Variants in DNAI7 observed in about 807,000 individuals in gnomAD.
The protein encoded by DNAI7 is cancer susceptibility 1.
A neutral mutation model predicts 86.6 loss-of-function variants in DNAI7; 78 were observed. That is an observed-to-expected ratio of 0.90 (90% CI 0.75 to 1.09). The LOEUF is 1.09. Ranked by LOEUF, DNAI7 falls within the 50% of genes least tolerant of loss-of-function variation. The pLI is 0.00. For synonymous variants in DNAI7, 274 were observed against 273.0 expected, an observed-to-expected ratio of 1.00 and a Z score of -0.04; for missense variants, 753 against 810.2, an observed-to-expected ratio of 0.93 and a Z score of 0.86.
chr12:25,134,467 G>A (rs894723262), intron 9 of DNAI7, among the ~76,000 whole-genome samples: 5 of 140,434 alleles, frequency 3.6e-5, no homozygotes, highest in African/African-American at 1.1e-4. Flanking sequence ...AGTGATTCTC[G>A]TGCCTCAGCC....
At chr12:25,128,953 C>CTT (rs1942506422) in intron 9 of DNAI7, among the ~76,000 whole-genome samples, 1 of 152,196 alleles carries the variant, frequency 6.6e-6, no homozygotes, top group African/African-American at 2.4e-5. Context: ...CAATAAAAGC[C>CTT]TAAATTCTCA....
At chr12:25,158,719 C>T (rs1028802498) in intron 3 of DNAI7, 156 bp from the exon 4 acceptor site, 1 of 1,475,320 alleles carries the variant, frequency 6.8e-7, no homozygotes, top group Non-Finnish European at 9.0e-7. Context: ...TGTCAGTTCT[C>T]CTTTCTTCAA....
At chr12:25,156,587 G>A (rs1455569546) in intron 4 of DNAI7, among the ~76,000 whole-genome samples, 1 of 151,624 alleles carries the variant, frequency 6.6e-6, no homozygotes, top group East Asian at 1.9e-4. Flanking sequence ...TTAAAAATAC[G>A]AAAATTAGCC....
intron 12 of DNAI7, among the ~76,000 whole-genome samples, chr12:25,116,586 G>A (rs1592203672): frequency 6.6e-6 from 1 of 151,834 alleles, no homozygotes; most frequent in East Asian, 1.9e-4. Flanking sequence ...TACACCCTCC[G>A]CCTCCCAGGT....
intron 9 of DNAI7, among the ~76,000 whole-genome samples, chr12:25,124,657 A>T (rs1941849441): frequency 6.6e-6 from 1 of 152,056 alleles, no homozygotes; most frequent in Non-Finnish European, 1.5e-5. Flanking sequence ...GGTGCATGTG[A>T]AGGCTTGTTG....
intron 6 of DNAI7, among the ~76,000 whole-genome samples, chr12:25,151,357 G>A (rs1945518524): frequency 6.6e-6 from 1 of 152,128 alleles, no homozygotes; most frequent in Non-Finnish European, 1.5e-5. Context: ...TTGGAAATTG[G>A]TGTTTACTAC....
intron 9 of DNAI7, among the ~76,000 whole-genome samples, chr12:25,143,040 A>C (rs938799052): frequency 1.1e-4 from 17 of 152,096 alleles, no homozygotes; most frequent in African/African-American, 4.1e-4. Flanking sequence ...TTGCCCAAAA[A>C]ACATTTAAAC....
chr12:25,194,322 G>A (rs529785622), intron 1 of DNAI7, among the ~76,000 whole-genome samples: 1 of 152,280 alleles, frequency 6.6e-6, no homozygotes, highest in East Asian at 1.9e-4. Context: ...TATCCTATAA[G>A]CAGAGTTGTC....
intron 2 of DNAI7, among the ~76,000 whole-genome samples, chr12:25,176,304 A>G (rs1006271500): frequency 6.6e-6 from 1 of 152,084 alleles, no homozygotes; most frequent in African/African-American, 2.4e-5. Flanking sequence ...AATTTAAATT[A>G]AAAAATTTAT....
intron 9 of DNAI7, among the ~76,000 whole-genome samples, chr12:25,132,069 G>C (rs1366898064): frequency 6.6e-6 from 1 of 151,988 alleles, no homozygotes; most frequent in Admixed American, 6.6e-5. Context: ...GGGATTATTC[G>C]TGTGATGGGA....
At chr12:25,191,680 G>T (rs1950534217) in intron 1 of DNAI7, among the ~76,000 whole-genome samples, 1 of 152,146 alleles carries the variant, frequency 6.6e-6, no homozygotes, top group Non-Finnish European at 1.5e-5. Flanking sequence ...TCCAGTCTGG[G>T]TGACAGAGCA....
intron 13 of DNAI7, among the ~76,000 whole-genome samples, chr12:25,112,360 G>A (rs964242090): frequency 4.6e-5 from 7 of 150,556 alleles, no homozygotes; most frequent in Non-Finnish European, 8.8e-5. Context: ...AAAGTCTTGC[G>A]CGAAGTGACA....
intron 2 of DNAI7, among the ~76,000 whole-genome samples, chr12:25,180,316 A>C (rs1279862681): frequency 6.6e-6 from 1 of 152,248 alleles, no homozygotes; most frequent in African/African-American, 2.4e-5. Flanking sequence ...AAAATAATCC[A>C]TGCTCACGGA....
At position 25,144,412 on chromosome 12, in the gene DNAI7, C is replaced by T. The variant is rs760036214; in HGVS notation, c.955G>A (p.Glu319Lys). ...TGTTCCTCCTCAACTTTTATTTCTT[C>T]CTCCTGAATTAAGTGAGACCCTCTT... ...QERGSHLIQEEEIKVEEEQGD... is the reference protein window; with the variant it reads ...QERGSHLIQEKEIKVEEEQGD... The change falls in exon 9 of 16, where the codon GAA becomes AAA. Residue 319 changes from glutamate (E) to lysine (K), a missense_variant. Coordinates refer to ENST00000395987, the MANE Select transcript of DNAI7 (RefSeq NM_018272.5). 6.2e-7 allele frequency: 1 copy of T among 1,613,942 alleles called. No homozygotes were observed. Among genetic ancestry groups the T allele is most frequent in the Non-Finnish European group, 8.5e-7 (1 of 1,179,938 alleles).
chr12:25,164,220 A>G (rs1592550374), intron 2 of DNAI7, among the ~76,000 whole-genome samples: 1 of 138,276 alleles, frequency 7.2e-6, no homozygotes, highest in African/African-American at 2.8e-5. Context: ...GGGGCAAGAA[A>G]CCCCCAGCCC....
chr12:25,130,055 C>T (rs2140582061), intron 9 of DNAI7, among the ~76,000 whole-genome samples: 1 of 152,200 alleles, frequency 6.6e-6, no homozygotes, highest in African/African-American at 2.4e-5. Flanking sequence ...AGACACCACG[C>T]CCAGCCTATT....
intron 4 of DNAI7, among the ~76,000 whole-genome samples, chr12:25,157,237 C>A (rs1257650937): frequency 2.7e-5 from 4 of 145,604 alleles, no homozygotes; most frequent in African/African-American, 1.1e-4. Flanking sequence ...GAGATTGTGC[C>A]ACTGCACTCC....
chr12:25,164,919 C>T (rs1166263930), intron 2 of DNAI7, among the ~76,000 whole-genome samples: 4 of 152,190 alleles, frequency 2.6e-5, no homozygotes, highest in African/African-American at 9.6e-5. Flanking sequence ...TTTCGTTCCG[C>T]GACTAGCCCT....
chr12:25,129,363 A>G (rs997673798), intron 9 of DNAI7, among the ~76,000 whole-genome samples: 5 of 152,156 alleles, frequency 3.3e-5, no homozygotes, highest in Non-Finnish European at 7.4e-5. Context: ...CATCCTCCCG[A>G]GGGCCAGAAT....
Sources: gnomAD v4.1 joint callset for allele counts (sites outside exome capture counted in the v4.1 genomes callset) on GRCh38, gnomAD v4.1.1 for gene constraint, MANE v1.5 for transcripts, NCBI Gene and HGNC (gene_info 2026-07-23, HGNC 2026-07-21) for gene names.